The following RREB1 variants were observed in gnomAD, a reference collection of about 807,000 sequenced individuals.
RREB1 encodes ras-responsive element-binding protein 1.
Under a neutral mutation model 117.8 loss-of-function variants are expected in RREB1, and 27 were observed. The observed-to-expected ratio is 0.23, with a 90% confidence interval of 0.17 to 0.32. The LOEUF (loss-of-function observed/expected upper bound fraction) is 0.32. RREB1 is among the 10% of genes least tolerant of loss of function. RREB1 has a pLI of 1.00. For synonymous variants in RREB1, 1,298 were observed against 1,026.7 expected, an observed-to-expected ratio of 1.26 and a Z score of -5.05; for missense variants, 2,577 against 2,378.2, an observed-to-expected ratio of 1.08 and a Z score of -1.74.
At chr6:7,116,703 AGGTGGGAAAGAATTAAGTTCTTT>A (rs1761415075) in intron 1 of RREB1, among the ~76,000 whole-genome samples, 1 of 152,252 alleles carries the variant, frequency 6.6e-6, no homozygotes, top group South Asian at 2.1e-4. Flanking sequence ...AGGTGGTGCT[AGGTGGGAAAGAATTAAGTTCTTT>A]GGTGGGAAAG....
intron 1 of RREB1, among the ~76,000 whole-genome samples, chr6:7,145,662 G>T (rs1031917952): frequency 1.3e-5 from 2 of 151,780 alleles, no homozygotes; most frequent in Non-Finnish European, 2.9e-5. Context: ...AACCTATTTT[G>T]CAGGGTCAGG....
intron 1 of RREB1, among the ~76,000 whole-genome samples, chr6:7,170,502 C>T (rs977841444): frequency 2.0e-4 from 31 of 152,072 alleles, no homozygotes; most frequent in Admixed American, 1.4e-3. Flanking sequence ...AGGAGCTTTT[C>T]GGGAAGTACC....
intron 10 of RREB1, among the ~76,000 whole-genome samples, chr6:7,235,896 T>C (rs1057063691): frequency 5.9e-5 from 9 of 152,318 alleles, no homozygotes; most frequent in African/African-American, 1.9e-4. Flanking sequence ...CTTTTCTTGC[T>C]CCCGGCTCAG....
At chr6:7,203,490 T>C (rs1228131473) in intron 6 of RREB1, among the ~76,000 whole-genome samples, 2 of 152,192 alleles carry the variant, frequency 1.3e-5, no homozygotes, top group Non-Finnish European at 2.9e-5. Context: ...TCTCTCCAAA[T>C]ACTGCCAAGG....
chr6:7,239,946 G>C (rs1581589431), intron 10 of RREB1, among the ~76,000 whole-genome samples: 1 of 152,222 alleles, frequency 6.6e-6, no homozygotes, highest in Admixed American at 6.5e-5. Flanking sequence ...TGGCCACCCT[G>C]GCTGGGGGCT....
chr6:7,132,458 G>A (rs374794606), intron 1 of RREB1, among the ~76,000 whole-genome samples: 4 of 152,116 alleles, frequency 2.6e-5, no homozygotes, highest in Non-Finnish European at 5.9e-5. Context: ...GAGCCACCAC[G>A]CCCAGCCACT....
chr6:7,108,727 T>A (rs915936574), intron 1 of RREB1: 2 of 147,090 alleles, frequency 1.4e-5, no homozygotes, highest in Non-Finnish European at 3.1e-5. Flanking sequence ...CTGCCCGGGG[T>A]GCTCGCGCGG....
rs1476188575 is a variant in RREB1 at position 7,175,583 on chromosome 6, CCT to C, written c.-284-1069_-284-1068del. 2.6e-5 allele frequency among the ~76,000 whole-genome samples: 4 copies of C among 152,268 alleles called. No individual in the cohort carries two copies. In the East Asian group the frequency reaches 5.8e-4, roughly 22 times the overall value. The stretch of plus-strand genomic sequence containing the variant: ...TGTTGTCCGTGTGGGGTTTATTTTA[CCT>C]CTGAGTTTTCTCCCAGTTTTGTGCT... On this transcript the variant is annotated intron_variant, in intron 1 of 12. Transcript: ENST00000379938.
chr6:7,147,299 A>G (rs1035612450), intron 1 of RREB1, among the ~76,000 whole-genome samples: 8 of 152,124 alleles, frequency 5.3e-5, no homozygotes, highest in African/African-American at 1.9e-4. Context: ...TCCCCCTTAG[A>G]ATACCTACCA....
chr6:7,139,516 TG>T (rs1482894018), intron 1 of RREB1, among the ~76,000 whole-genome samples: 3 of 152,250 alleles, frequency 2.0e-5, no homozygotes, highest in African/African-American at 7.2e-5. Flanking sequence ...AATAGATAAC[TG>T]TTGAAATGTT....
intron 8 of RREB1, chr6:7,212,104 T>C (rs1279666483): frequency 1.3e-5 from 3 of 231,108 alleles, no homozygotes; most frequent in Non-Finnish European, 2.6e-5. Context: ...GCCCACGTGT[T>C]GGATACCCCT....
intron 6 of RREB1, among the ~76,000 whole-genome samples, chr6:7,195,278 A>C (rs1765611128): frequency 6.6e-6 from 1 of 152,256 alleles, no homozygotes; most frequent in African/African-American, 2.4e-5. Context: ...ATAATGAGTT[A>C]AAAGAACATT....
At chr6:7,154,418 T>C (rs1303827540) in intron 1 of RREB1, among the ~76,000 whole-genome samples, 1 of 152,202 alleles carries the variant, frequency 6.6e-6, no homozygotes, top group African/African-American at 2.4e-5. Flanking sequence ...GTAGCACCTG[T>C]TGAACTCATC....
intron 1 of RREB1, among the ~76,000 whole-genome samples, chr6:7,126,818 C>G (rs554788438): frequency 1.3e-5 from 2 of 152,246 alleles, no homozygotes; most frequent in African/African-American, 4.8e-5. Flanking sequence ...GACACTTGCC[C>G]TGGGTACCAG....
intron 8 of RREB1, 68 bp from the exon 9 acceptor site, chr6:7,226,399 C>A: frequency 8.3e-7 from 1 of 1,205,276 alleles, no homozygotes; most frequent in South Asian, 1.7e-5. Flanking sequence ...AGAGTGGAAA[C>A]TCTGACTTAA....
chr6:7,247,186 T>C lies in RREB1; in HGVS notation c.4736T>C (p.Leu1579Pro). The C allele has an allele frequency of 6.2e-7, 1 of 1,613,712 alleles. No individual in the cohort carries two copies. The highest frequency in any genetic ancestry group is 8.5e-7 in the Non-Finnish European group (1 of 1,179,958). Residue 1579 changes from leucine to proline, a missense_variant, in exon 12 of 13, where the codon CTG becomes CCG. Transcript: ENST00000379938. ...CSVCNKRFWS[L>P]QDLTRHMRSH... ...GTGTGCAACAAGCGGTTCTGGTCGC[T>C]GCAGGACCTGACCCGGCACATGCGC...
chr6:7,229,810 C>G lies in RREB1; in HGVS notation c.1711C>G (p.Pro571Ala). The change falls in exon 10 of 13, where the codon CCC (proline) becomes GCC (alanine). Residue 571 changes from proline to alanine, a missense_variant. By Grantham distance (27) the Pro-to-Ala change is conservative. Transcript: ENST00000379938. The surrounding 1 kb of genome is among the most constrained non-coding windows in gnomAD (Gnocchi z 4.5). ...GCTGCAGTCCAAGTCCGGGACCCAG[C>G]CCCACGCGGCCACGCGGCTCTCCCT... ...HLLQSKSGTQPHAATRLSLQQ... is the reference protein window; with the variant it reads ...HLLQSKSGTQAHAATRLSLQQ... 2 of 1,610,518 alleles carry G rather than the reference C, an allele frequency of 1.2e-6. No homozygotes were observed. Among genetic ancestry groups the G allele is most frequent in the Non-Finnish European group, 1.7e-6 (2 of 1,178,596 alleles).
rs1160605959 is a variant in RREB1, at chr6:7,251,929, C to T, written c.*2961C>T. On this transcript the variant is annotated 3_prime_UTR_variant, in exon 13 of 13. Transcript: ENST00000379938. Reference sequence around the variant, plus strand: ...TTCCAAATTCAGAATGAGAAGAAAGCTGTTCTGTATCAAACCATTTAAGCA... The same window carrying T: ...TTCCAAATTCAGAATGAGAAGAAAGTTGTTCTGTATCAAACCATTTAAGCA... The T allele has an allele frequency of 1.3e-5, 2 of 152,208 alleles. No homozygotes were observed. Among genetic ancestry groups the T allele is most frequent in the Non-Finnish European group, 2.9e-5 (2 of 68,034 alleles). 9.4% of individuals were successfully genotyped at this position (152,208 alleles called of 1,614,324 possible).
chr6:7,229,298 T>C lies in RREB1; in HGVS notation c.1199T>C (p.Leu400Pro). The C allele has an allele frequency of 6.2e-7, 1 of 1,614,142 alleles. No individual in the cohort carries two copies. Among genetic ancestry groups the C allele is most frequent in the Non-Finnish European group, 8.5e-7 (1 of 1,180,018 alleles). Reference protein sequence around the residue: ...AIQLQTLKCQLPQDPGCTNLL... With the variant: ...AIQLQTLKCQPPQDPGCTNLL... ...CAGCTCCAGACACTCAAGTGTCAGC[T>C]ACCTCAGGACCCCGGCTGCACCAAC... The change falls in exon 10 of 13, where the codon CTA (leucine) becomes CCA (proline). Residue 400 changes from leucine (L) to proline (P), a missense_variant. Coordinates refer to ENST00000379938, the MANE Select transcript of RREB1 (RefSeq NM_001003699.4). The surrounding 1 kb of genome is among the most constrained non-coding windows in gnomAD (Gnocchi z 4.5).
Sources: allele counts gnomAD v4.1 joint callset (sites outside exome capture counted in the v4.1 genomes callset), GRCh38; gene constraint gnomAD v4.1.1; non-coding constraint Gnocchi (gnomAD v3.1); transcripts MANE v1.5; gene names NCBI Gene and HGNC (gene_info 2026-07-23, HGNC 2026-07-21).